C8A: variants seen among roughly 807,000 people sequenced by gnomAD.
The protein encoded by C8A is complement C8 alpha chain.
Under a neutral mutation model 65.3 loss-of-function variants are expected in C8A, and 67 were observed. The observed-to-expected ratio is 1.03, with a 90% CI of 0.84 to 1.26. The LOEUF (loss-of-function observed/expected upper bound fraction) is 1.26, where lower values mean the gene tolerates loss of function less well. C8A is among the 50% of genes most tolerant of loss of function. C8A has a pLI of 0.00. For missense variants in C8A, 781 were observed against 723.9 expected (o/e 1.08, Z -0.90); for synonymous variants, 290 against 259.4 (o/e 1.12, Z -1.13).
intron 7 of C8A, among the ~76,000 whole-genome samples, chr1:56,897,145 G>C (rs1644392718): frequency 6.6e-6 from 1 of 152,318 alleles, no homozygotes; most frequent in Middle Eastern, 3.4e-3. Context: ...TTGAAAGTGA[G>C]TAAATTGGGT....
At chr1:56,878,305 G>A (rs1644217174) in intron 4 of C8A, among the ~76,000 whole-genome samples, 1 of 152,170 alleles carries the variant, frequency 6.6e-6, no homozygotes, top group Admixed American at 6.5e-5. Context: ...ACACATGAAT[G>A]TTGGGGACAT....
At chr1:56,888,868 C>T (rs905960003) in intron 7 of C8A, among the ~76,000 whole-genome samples, 1 of 152,092 alleles carries the variant, frequency 6.6e-6, no homozygotes, top group East Asian at 1.9e-4. Flanking sequence ...GCTACATAAA[C>T]GCTGTGGCTC....
At chr1:56,886,879 T>C (rs1644304611) in intron 7 of C8A, among the ~76,000 whole-genome samples, 1 of 152,174 alleles carries the variant, frequency 6.6e-6, no homozygotes. Context: ...TCTCAAAGTG[T>C]GGGCCCCAAC....
chr1:56,906,651 T>A lies in C8A; in HGVS notation c.1097-16T>A. 1 of 1,614,030 alleles carries A rather than the reference T, an allele frequency of 6.2e-7. No homozygotes were observed. Among genetic ancestry groups the A allele is most frequent in the Non-Finnish European group, 8.5e-7 (1 of 1,179,872 alleles). On this transcript the variant is annotated splice_polypyrimidine_tract_variant and intron_variant, in intron 7 of 10. Coordinates refer to ENST00000361249, the MANE Select transcript of C8A (RefSeq NM_000562.3). Reference sequence around the variant, plus strand: ...AATAACTCAGCATTTTGTGTTTCTCTGTCTCCCTGTTGCAGGTATTACCAG... The same window carrying A: ...AATAACTCAGCATTTTGTGTTTCTCAGTCTCCCTGTTGCAGGTATTACCAG...
intron 7 of C8A, among the ~76,000 whole-genome samples, chr1:56,901,916 T>G (rs1644429543): frequency 6.6e-6 from 1 of 152,104 alleles, no homozygotes. Context: ...GACTCTCAGC[T>G]CATAGAGGTC....
intron 1 of C8A, among the ~76,000 whole-genome samples, chr1:56,865,314 TG>T (rs1243783939): frequency 1.3e-5 from 2 of 152,194 alleles, no homozygotes; most frequent in African/African-American, 4.8e-5. Context: ...TTCTGGAGAC[TG>T]GGAAGTCCAA....
At chr1:56,858,624 A>G (rs1450240176) in intron 1 of C8A, among the ~76,000 whole-genome samples, 3 of 152,234 alleles carry the variant, frequency 2.0e-5, no homozygotes, top group African/African-American at 4.8e-5. Flanking sequence ...TTACCAAAGC[A>G]TCTTGGGCCA....
intron 1 of C8A, among the ~76,000 whole-genome samples, chr1:56,863,918 TTTTCCCTCCCTC>T (rs1337928410): frequency 2.7e-5 from 4 of 149,914 alleles, no homozygotes; most frequent in African/African-American, 9.8e-5. Context: ...TTCCTTCCTT[TTTTCCCTCCCTC>T]TTTCCCTTCC....
chr1:56,886,911 G>A (rs1332061833), intron 7 of C8A, among the ~76,000 whole-genome samples: 1 of 152,106 alleles, frequency 6.6e-6, no homozygotes. Flanking sequence ...CATCACCTGG[G>A]AACTTGCTGG....
chr1:56,906,845 A>G (rs574079749), intron 8 of C8A, 53 bp downstream of exon 8: 39 of 1,609,500 alleles, frequency 2.4e-5, no homozygotes, highest in Middle Eastern at 1.6e-4. Context: ...TTTCCTTTGG[A>G]CACACACTGG....
intron 9 of C8A, among the ~76,000 whole-genome samples, chr1:56,909,987 G>A (rs1570353463): frequency 6.6e-6 from 1 of 152,230 alleles, no homozygotes; most frequent in African/African-American, 2.4e-5. Flanking sequence ...ATTAAGCCAC[G>A]GGCAGGCTTT....
intron 7 of C8A, among the ~76,000 whole-genome samples, chr1:56,887,173 CAT>C (rs1168734976): frequency 6.6e-6 from 1 of 152,160 alleles, no homozygotes; most frequent in African/African-American, 2.4e-5. Context: ...TTCTTCAACA[CAT>C]ACATAAAATT....
At chr1:56,882,510 G>A (rs1001798306) in intron 5 of C8A, among the ~76,000 whole-genome samples, 1 of 152,146 alleles carries the variant, frequency 6.6e-6, no homozygotes, top group Non-Finnish European at 1.5e-5. Flanking sequence ...ACTAAGTCCA[G>A]GCTGCACAAC....
intron 7 of C8A, 129 bp from the exon 8 acceptor site, chr1:56,906,538 C>A: frequency 2.0e-6 from 2 of 992,058 alleles, no homozygotes; most frequent in Admixed American, 1.8e-5. Flanking sequence ...GATTAAAGAA[C>A]CGGGCTTTCA....
chr1:56,907,379 T>C (rs1429018975), intron 8 of C8A, among the ~76,000 whole-genome samples: 1 of 152,208 alleles, frequency 6.6e-6, no homozygotes, highest in Non-Finnish European at 1.5e-5. Flanking sequence ...TTCAAGCTAT[T>C]CCTATTGCAT....
chr1:56,907,759 C>A (rs1270793571), intron 8 of C8A, among the ~76,000 whole-genome samples, 197 bp from the exon 9 acceptor site: 1 of 152,236 alleles, frequency 6.6e-6, no homozygotes, highest in African/African-American at 2.4e-5. Flanking sequence ...TTTCTCCACT[C>A]CAGAGGATGG....
At chr1:56,876,831 A>G (rs1440548655) in intron 4 of C8A, among the ~76,000 whole-genome samples, 2 of 152,138 alleles carry the variant, frequency 1.3e-5, no homozygotes, top group Non-Finnish European at 2.9e-5. Context: ...CTGAGCCTTA[A>G]TCAATATTCC....
intron 7 of C8A, among the ~76,000 whole-genome samples, chr1:56,900,251 A>G (rs902453360): frequency 6.6e-6 from 1 of 152,166 alleles, no homozygotes; most frequent in Non-Finnish European, 1.5e-5. Flanking sequence ...TGGAGCATCC[A>G]TTGTGTTTGA....
chr1:56,915,326 AAGG>A (rs1446351425), intron 10 of C8A, among the ~76,000 whole-genome samples: 1 of 152,174 alleles, frequency 6.6e-6, no homozygotes, highest in African/African-American at 2.4e-5. Flanking sequence ...AATACAAACC[AAGG>A]AGACCAACTC....
Sources: allele counts gnomAD v4.1 joint callset (sites outside exome capture counted in the v4.1 genomes callset), GRCh38; gene constraint gnomAD v4.1.1; transcripts MANE v1.5; gene names NCBI Gene and HGNC (gene_info 2026-07-23, HGNC 2026-07-21).